The following MYO1E variants were observed in gnomAD, a reference collection of about 807,000 sequenced individuals.
The protein encoded by MYO1E is unconventional myosin-Ie.
MYO1E carries 68 observed loss-of-function variants against 151.1 expected under a neutral mutation model. The ratio of observed to expected loss-of-function variants is 0.45; its 90% CI spans 0.37 to 0.55. The LOEUF (loss-of-function observed/expected upper bound fraction) is 0.55. Among genes scored for constraint, MYO1E ranks in the 20% least tolerant of loss-of-function variants. The pLI, the probability that MYO1E is intolerant of heterozygous loss-of-function variation, is 0.00. For synonymous variants in MYO1E, 601 were observed against 501.7 expected (o/e 1.20, Z -2.64); for missense variants, 1,363 against 1,389.3 (o/e 0.98, Z 0.30).
At chr15:59,144,071 G>A (rs1402396433) in intron 26 of MYO1E, among the ~76,000 whole-genome samples, 1 of 152,206 alleles carries the variant, frequency 6.6e-6, no homozygotes, top group Non-Finnish European at 1.5e-5. Flanking sequence ...TTGAGTCTGT[G>A]TGCTGGGTTT....
At chr15:59,372,305 G>C (rs578017340) in intron 1 of MYO1E, among the ~76,000 whole-genome samples, 193 bp downstream of exon 1, 16 of 152,210 alleles carry the variant, frequency 1.1e-4, no homozygotes, top group African/African-American at 3.9e-4. Flanking sequence ...AGTTTTCCTT[G>C]GCCCCTCGCT....
At chr15:59,192,595 A>G (rs747636484) in intron 17 of MYO1E, among the ~76,000 whole-genome samples, 18 of 152,148 alleles carry the variant, frequency 1.2e-4, no homozygotes, top group Non-Finnish European at 2.2e-4. Context: ...TTGCAGAGGG[A>G]GTCTTTTTCC....
At chr15:59,203,948 C>T (rs1444586260) in intron 15 of MYO1E, among the ~76,000 whole-genome samples, 1 of 152,212 alleles carries the variant, frequency 6.6e-6, no homozygotes, top group Non-Finnish European at 1.5e-5. Flanking sequence ...CAGCAGTCTA[C>T]TTTTAACTTG....
At chr15:59,196,551 G>T (rs555037089) in intron 16 of MYO1E, among the ~76,000 whole-genome samples, 3 of 152,322 alleles carry the variant, frequency 2.0e-5, no homozygotes, top group Non-Finnish European at 4.4e-5. Context: ...ACAGTCAGCA[G>T]AAGAGATTTG....
intron 16 of MYO1E, among the ~76,000 whole-genome samples, chr15:59,199,859 G>A (rs1205107029): frequency 6.6e-6 from 1 of 152,094 alleles, no homozygotes. Flanking sequence ...TCAGCGATTG[G>A]GCCATGGCTA....
intron 2 of MYO1E, among the ~76,000 whole-genome samples, chr15:59,268,720 A>ATTTTTTCTTTTTTTTTTT (rs2080271459): frequency 2.2e-5 from 1 of 44,906 alleles, no homozygotes; most frequent in Non-Finnish European, 4.9e-5. Context: ...TGACTTTGGT[A>ATTTTTTCTTTTTTTTTTT]TTTTTTTTTT....
chr15:59,253,465 A>C (rs1188060887), intron 4 of MYO1E, among the ~76,000 whole-genome samples: 1 of 148,132 alleles, frequency 6.8e-6, no homozygotes, highest in African/African-American at 2.5e-5. Context: ...CAAAAACGGA[A>C]TCTGAGTCTG....
In MYO1E at chr15:59,207,472, C is replaced by T. The variant is rs545315249; in HGVS notation, c.1530+1209G>A. 1.9e-6 allele frequency: 3 copies of T among 1,613,972 alleles called. No homozygotes were observed. In the East Asian group the frequency reaches 6.7e-5, roughly 36 times the overall value. On this transcript the variant is annotated intron_variant, in intron 14 of 27. Transcript: ENST00000288235. Reference sequence around the variant, plus strand: ...GATTTCCAGTATTGTCCAGTACAGCCCCCACTGCAAACTGATTATTGTTTC... The same window carrying T: ...GATTTCCAGTATTGTCCAGTACAGCTCCCACTGCAAACTGATTATTGTTTC...
intron 1 of MYO1E, among the ~76,000 whole-genome samples, chr15:59,315,038 C>A (rs893914058): frequency 6.6e-6 from 1 of 152,086 alleles, no homozygotes; most frequent in Admixed American, 6.5e-5. Context: ...AACGTATGGG[C>A]CAAATAAATA....
intron 6 of MYO1E, among the ~76,000 whole-genome samples, chr15:59,230,090 T>C (rs1317534521): frequency 1.3e-5 from 2 of 152,150 alleles, no homozygotes; most frequent in African/African-American, 2.4e-5. Context: ...TCTCAACCAA[T>C]AGCGTGTTTT....
intron 18 of MYO1E, among the ~76,000 whole-genome samples, chr15:59,182,976 C>G (rs562125189): frequency 6.6e-6 from 1 of 152,204 alleles, no homozygotes; most frequent in African/African-American, 2.4e-5. Flanking sequence ...ATCCCTCGCA[C>G]GTGCAGTTCA....
intron 22 of MYO1E, among the ~76,000 whole-genome samples, 153 bp from the exon 23 acceptor site, chr15:59,163,456 C>A (rs141414946): frequency 6.6e-6 from 1 of 151,838 alleles, no homozygotes; most frequent in African/African-American, 2.4e-5. Flanking sequence ...ACAAAACCAA[C>A]AACAATGAAT....
chr15:59,277,550 A>C (rs1477994258), intron 1 of MYO1E, among the ~76,000 whole-genome samples: 1 of 98,304 alleles, frequency 1.0e-5, no homozygotes, highest in East Asian at 2.8e-4. Context: ...TCCCCCCACA[A>C]AAAAAAAAAA....
chr15:59,203,391 T>TC (rs1566977563), intron 15 of MYO1E, among the ~76,000 whole-genome samples: 1 of 151,636 alleles, frequency 6.6e-6, no homozygotes, highest in Admixed American at 6.6e-5. Flanking sequence ...TTTCTTTTTT[T>TC]TTTTTTTGAG....
rs540770208 is a variant in MYO1E, at chr15:59,265,238, A to G, written c.148-3729T>C. 2.0e-5 allele frequency among the ~76,000 whole-genome samples: 3 copies of G among 152,296 alleles called. No individual in the cohort carries two copies. The South Asian group carries it at 6.2e-4, about 32-fold the overall frequency. ...CCTTAGTTGTAAAGGGAATGTGGTT[A>G]CTGCCGCCTTGTCCTAGACAAATTG... On this transcript the variant is annotated intron_variant, in intron 2 of 27. Transcript: ENST00000288235.
At chr15:59,199,761 G>A (rs1431066026) in intron 16 of MYO1E, among the ~76,000 whole-genome samples, 1 of 152,032 alleles carries the variant, frequency 6.6e-6, no homozygotes, top group Non-Finnish European at 1.5e-5. Flanking sequence ...TTCTTTCAAG[G>A]AACTCAGAAT....
chr15:59,279,043 T>G (rs2080338015), intron 1 of MYO1E, among the ~76,000 whole-genome samples: 1 of 152,008 alleles, frequency 6.6e-6, no homozygotes, highest in Admixed American at 6.6e-5. Context: ...ATTCATAAAG[T>G]TTCATCCATT....
chr15:59,308,800 T>C (rs112338298), intron 1 of MYO1E, among the ~76,000 whole-genome samples: 33 of 150,868 alleles, frequency 2.2e-4, no homozygotes, highest in East Asian at 7.8e-4. Context: ...AATTGTGCCA[T>C]TGCACTTCAA....
intron 1 of MYO1E, among the ~76,000 whole-genome samples, chr15:59,367,843 G>C (rs1332838214): frequency 1.3e-5 from 2 of 152,218 alleles, no homozygotes; most frequent in African/African-American, 4.8e-5. Context: ...GCAGAGGCCG[G>C]GCGTGGTGGC....
Sources: allele counts gnomAD v4.1 joint callset (sites outside exome capture counted in the v4.1 genomes callset), GRCh38; gene constraint gnomAD v4.1.1; transcripts MANE v1.5; gene names NCBI Gene and HGNC (gene_info 2026-07-23, HGNC 2026-07-21).